EXOC6: variants seen among roughly 807,000 people sequenced by gnomAD.
EXOC6 encodes SEC15-like 1.
Under a neutral mutation model 112.5 loss-of-function variants are expected in EXOC6, and 60 were observed. The ratio of observed to expected loss-of-function variants is 0.53; its 90% CI spans 0.43 to 0.66. EXOC6 has a LOEUF of 0.66. Among genes scored for constraint, EXOC6 ranks in the 30% least tolerant of loss-of-function variants. The pLI is 0.00. For synonymous variants in EXOC6, 295 were observed against 308.0 expected (o/e 0.96, Z 0.44); for missense variants, 855 against 957.1 (o/e 0.89, Z 1.41).
chr10:92,834,649 G>A (rs1846603489), upstream of EXOC6: 5 of 1,045,652 alleles, frequency 4.8e-6, no homozygotes, highest in Admixed American at 1.1e-4. Flanking sequence ...ATAATTATAA[G>A]GAAAACGGTA....
At chr10:92,924,682 CTTTTA>C (rs751433565) in intron 8 of EXOC6, among the ~76,000 whole-genome samples, 2 of 152,016 alleles carry the variant, frequency 1.3e-5, no homozygotes, top group Non-Finnish European at 1.5e-5. Flanking sequence ...TTTTAATGTA[CTTTTA>C]TTTATTTTAG....
chr10:93,003,138 T>G (rs920341998), intron 19 of EXOC6, among the ~76,000 whole-genome samples: 9 of 152,240 alleles, frequency 5.9e-5, no homozygotes, highest in Non-Finnish European at 1.5e-5. Context: ...GCCTTTATTC[T>G]GTGCTAGATT....
chr10:93,044,508 A>G (rs1027028596), intron 20 of EXOC6, among the ~76,000 whole-genome samples: 1 of 152,168 alleles, frequency 6.6e-6, no homozygotes, highest in Non-Finnish European at 1.5e-5. Flanking sequence ...TTTCCATCAG[A>G]CTAAGTATGG....
intron 18 of EXOC6, 71 bp downstream of exon 18, chr10:92,974,303 G>T (rs1589949201): frequency 9.1e-7 from 1 of 1,095,860 alleles, no homozygotes; most frequent in Non-Finnish European, 1.2e-6. Flanking sequence ...TTAGTTTGAG[G>T]TTTCCTTGCT....
chr10:92,975,511 T>A (rs1421122881), intron 18 of EXOC6, among the ~76,000 whole-genome samples: 7 of 138,042 alleles, frequency 5.1e-5, no homozygotes, highest in African/African-American at 2.0e-4. Flanking sequence ...AGCCGCCCCG[T>A]CCAGGAGGGA....
At chr10:92,878,237 A>C (rs980576317) in intron 1 of EXOC6, 1 of 152,224 alleles carries the variant, frequency 6.6e-6, no homozygotes, top group African/African-American at 2.4e-5. Flanking sequence ...AGTCTCAGCT[A>C]CTTGATTTTC....
rs1378422467 is a variant in EXOC6 at position 92,997,502 on chromosome 10, C to T, written c.1982C>T (p.Ser661Leu). Residue 661 changes from serine (S) to leucine (L), a missense_variant, in exon 19 of 22, where the codon TCA becomes TTA. By Grantham distance (145) the Ser-to-Leu change is moderately radical. Around this residue, in one of 2 missense-constraint regions of EXOC6, gnomAD observed 450 missense variants for 563.5 expected, o/e 0.80. Transcript: ENST00000260762. ...AAAGTTGCTCAGACAGCTTGCATGT[C>T]AGCCTGCCAGCATCTGTCAACATCC... ...PGKVAQTACM[S>L]ACQHLSTSLM... 3 of 1,611,902 alleles carry T rather than the reference C, an allele frequency of 1.9e-6. No homozygotes were observed. Among genetic ancestry groups the T allele is most frequent in the Admixed American group, 1.7e-5 (1 of 59,772 alleles).
chr10:93,011,222 CAAA>C (rs796882523), intron 19 of EXOC6, among the ~76,000 whole-genome samples: 4 of 112,674 alleles, frequency 3.6e-5, no homozygotes, highest in Admixed American at 9.0e-5. Flanking sequence ...TTTTTGTGAC[CAAA>C]AAAAAAAAAA....
intron 1 of EXOC6, among the ~76,000 whole-genome samples, chr10:92,892,699 G>A (rs898217553): frequency 5.9e-5 from 9 of 152,208 alleles, no homozygotes; most frequent in Admixed American, 1.3e-4. Flanking sequence ...AGAGGGGTAC[G>A]CTCTCTGTGG....
chr10:92,851,629 G>A (rs1847340645), intron 1 of EXOC6, among the ~76,000 whole-genome samples: 1 of 151,580 alleles, frequency 6.6e-6, no homozygotes, highest in Non-Finnish European at 1.5e-5. Flanking sequence ...TAGCCTGAGC[G>A]ACGGAGCGAG....
intron 20 of EXOC6, among the ~76,000 whole-genome samples, chr10:93,043,705 C>T (rs984303008): frequency 6.6e-6 from 1 of 152,346 alleles, no homozygotes; most frequent in African/African-American, 2.4e-5. Flanking sequence ...TTTGTACTCT[C>T]ATAGTGCAGA....
chr10:92,854,006 T>TAAAA (rs1847474607), intron 1 of EXOC6, among the ~76,000 whole-genome samples: 1 of 53,190 alleles, frequency 1.9e-5, no homozygotes, highest in African/African-American at 6.8e-5. Context: ...AGTCCCTGTC[T>TAAAA]CAAAAAAAAA....
intron 17 of EXOC6, among the ~76,000 whole-genome samples, chr10:92,963,246 A>G (rs2134047617): frequency 6.6e-6 from 1 of 152,364 alleles, no homozygotes; most frequent in Non-Finnish European, 1.5e-5. Context: ...AATTTCTTCT[A>G]GAAGCAGTTA....
intron 1 of EXOC6, among the ~76,000 whole-genome samples, chr10:92,835,318 T>A (rs1846629035): frequency 6.6e-6 from 1 of 152,246 alleles, no homozygotes; most frequent in African/African-American, 2.4e-5. Flanking sequence ...TTTTCTTTTT[T>A]AACATTTTCT....
chr10:92,843,643 T>G (rs959737835), upstream of EXOC6, among the ~76,000 whole-genome samples: 2 of 151,114 alleles, frequency 1.3e-5, no homozygotes, highest in Non-Finnish European at 2.9e-5. Context: ...GGTCAAGAGA[T>G]CGAGACCATC....
intron 7 of EXOC6, 55 bp from the exon 8 acceptor site, chr10:92,919,927 A>T: frequency 9.4e-7 from 1 of 1,060,248 alleles, no homozygotes. Context: ...TACATTATCT[A>T]ATGGTGGTCT....
intron 12 of EXOC6, among the ~76,000 whole-genome samples, chr10:92,936,461 C>T (rs754666835): frequency 1.3e-5 from 2 of 152,212 alleles, no homozygotes; most frequent in Non-Finnish European, 2.9e-5. Flanking sequence ...ATGAGCAAAT[C>T]ACTTTACTTT....
intron 19 of EXOC6, among the ~76,000 whole-genome samples, chr10:93,008,466 T>C (rs1156805297): frequency 6.6e-6 from 1 of 152,146 alleles, no homozygotes; most frequent in Non-Finnish European, 1.5e-5. Flanking sequence ...AAGTGGGCAT[T>C]ATTGTTTTTA....
intron 19 of EXOC6, among the ~76,000 whole-genome samples, chr10:93,003,154 T>C (rs1340356419): frequency 2.0e-5 from 3 of 152,208 alleles, no homozygotes; most frequent in African/African-American, 7.2e-5. Flanking sequence ...AGATTTTCCT[T>C]TTATTTGGTT....
Sources: allele counts gnomAD v4.1 joint callset (sites outside exome capture counted in the v4.1 genomes callset), GRCh38; gene constraint gnomAD v4.1.1; regional missense constraint gnomAD v4.1.1; transcripts MANE v1.5; gene names NCBI Gene and HGNC (gene_info 2026-07-23, HGNC 2026-07-21).